The following MSH3 variants were observed in gnomAD, a reference collection of about 807,000 sequenced individuals.
MSH3 encodes DNA mismatch repair protein Msh3.
Under a neutral mutation model 123.3 loss-of-function variants are expected in MSH3, and 106 were observed. The ratio of observed to expected loss-of-function variants is 0.86; its 90% CI spans 0.73 to 1.01. The LOEUF is 1.01. MSH3 is among the 50% of genes least tolerant of loss of function. MSH3 has a pLI of 0.00. For synonymous variants in MSH3, 515 were observed against 481.4 expected (o/e 1.07, Z -0.91); for missense variants, 1,459 against 1,347.6 (o/e 1.08, Z -1.29).
intron 10 of MSH3, among the ~76,000 whole-genome samples, chr5:80,732,456 A>G (rs547538399): frequency 1.3e-5 from 2 of 152,304 alleles, no homozygotes; most frequent in Non-Finnish European, 2.9e-5. Context: ...AGCTTAATAT[A>G]TAAGCTACTC....
Position 80,854,025 on chromosome 5 carries a change from T to A in MSH3, c.2814-105T>A. ...TTTGAGCTATTATTGGCTCAAAATA[T>A]ATAGATTCTTAGTGATCTTTTATAT... On this transcript the variant is annotated intron_variant, in intron 20 of 23. Coordinates refer to ENST00000265081, the MANE Select transcript of MSH3 (RefSeq NM_002439.5). 8 of 953,710 alleles carry A rather than the reference T, an allele frequency of 8.4e-6. No individual in the cohort carries two copies. In the South Asian group the frequency reaches 1.2e-4, roughly 14 times the overall value. 59.1% of individuals were successfully genotyped at this position (953,710 alleles called of 1,614,324 possible).
At position 80,791,405 on chromosome 5, in the gene MSH3, T is replaced by G. The variant is rs371638837; in HGVS notation, c.2544-1328T>G. On this transcript the variant is annotated intron_variant, in intron 18 of 23. Coordinates refer to ENST00000265081, the MANE Select transcript of MSH3 (RefSeq NM_002439.5). ...ATCAGAAATAATCAGCTCTAGAACC[T>G]ATTAGAAATGTATTGAAATTTGGAA... is the stretch of plus-strand genomic sequence containing the variant. 8.5e-5 allele frequency among the ~76,000 whole-genome samples: 13 copies of G among 152,350 alleles called. No individual in the cohort carries two copies. The East Asian group carries it at 2.5e-3, about 29-fold the overall frequency.
intron 22 of MSH3, among the ~76,000 whole-genome samples, chr5:80,872,589 T>G (rs911876360): frequency 6.6e-6 from 1 of 152,206 alleles, no homozygotes; most frequent in Non-Finnish European, 1.5e-5. Flanking sequence ...GAGGATTGTT[T>G]AAAGCCAGGA....
intron 13 of MSH3, among the ~76,000 whole-genome samples, chr5:80,765,472 T>G (rs1744106740): frequency 6.6e-6 from 1 of 152,204 alleles, no homozygotes; most frequent in African/African-American, 2.4e-5. Context: ...ACCTAACTTC[T>G]TATTTTTTTT....
In MSH3 at chr5:80,672,851, T is replaced by C. The variant is rs1293951783; in HGVS notation, c.1020T>C (p.Ile340=). The change falls in exon 6 of 24, where the codon ATT becomes ATC. Residue 340 remains isoleucine, a synonymous_variant. Transcript: ENST00000265081. The part of the protein sequence containing the change: ...LTALYTKSTL[I]GEDVNPLIKL... Reference sequence around the variant, plus strand: ...CCCTTTATACAAAATCTACACTTATTGGAGAAGATATCCTTTTTGGACGGG... The same window carrying C: ...CCCTTTATACAAAATCTACACTTATCGGAGAAGATATCCTTTTTGGACGGG... The C allele has an allele frequency of 1.2e-6, 2 of 1,605,664 alleles. No individual in the cohort carries two copies. Among genetic ancestry groups the C allele is most frequent in the Non-Finnish European group, 1.7e-6 (2 of 1,172,310 alleles).
chr5:80,712,433 A>G (rs1750879331), intron 8 of MSH3, among the ~76,000 whole-genome samples: 1 of 151,772 alleles, frequency 6.6e-6, no homozygotes, highest in African/African-American at 2.4e-5. Flanking sequence ...TTCGAATTTT[A>G]TTTTTCCTGG....
intron 3 of MSH3, among the ~76,000 whole-genome samples, chr5:80,669,430 C>T (rs1419125548): frequency 6.6e-6 from 1 of 152,130 alleles, no homozygotes; most frequent in Non-Finnish European, 1.5e-5. Context: ...TAAATTAAGT[C>T]TAATAAGCGA....
At chr5:80,858,500 A>G (rs180819316) in intron 21 of MSH3, among the ~76,000 whole-genome samples, 3 of 152,132 alleles carry the variant, frequency 2.0e-5, no homozygotes, top group African/African-American at 7.2e-5. Context: ...TTTAGTCTCC[A>G]TGTATTTGGG....
chr5:80,793,790 A>G (rs1487787892), intron 19 of MSH3, among the ~76,000 whole-genome samples: 1 of 152,342 alleles, frequency 6.6e-6, no homozygotes, highest in East Asian at 1.9e-4. Context: ...GATTAAGAAT[A>G]CTAGCAAGAG....
intron 12 of MSH3, among the ~76,000 whole-genome samples, chr5:80,747,564 A>T (rs1401525634): frequency 6.6e-6 from 1 of 152,234 alleles, no homozygotes; most frequent in Non-Finnish European, 1.5e-5. Context: ...TTTCAAAAGA[A>T]TTCCAGTTTA....
At position 80,771,972 on chromosome 5, in the gene MSH3, A is replaced by T. The variant is rs1580038400; in HGVS notation, c.2253+2969A>T. Among the ~76,000 whole-genome samples, 5 of 152,178 alleles carry T rather than the reference A, an allele frequency of 3.3e-5. No homozygotes were observed. The East Asian group carries it at 9.6e-4, about 29-fold the overall frequency. On this transcript the variant is annotated intron_variant, in intron 15 of 23. Transcript: ENST00000265081. ...TTATTATGTATTATGTAATGAACGT[A>T]TGTATGAATGTTTGTGTGTATGTAT...
At chr5:80,697,895 T>C (rs1750520303) in intron 8 of MSH3, among the ~76,000 whole-genome samples, 1 of 152,198 alleles carries the variant, frequency 6.6e-6, no homozygotes, top group African/African-American at 2.4e-5. Context: ...GATTTTTTTA[T>C]ATCAAACAAA....
chr5:80,667,175 A>C (rs73765855), intron 3 of MSH3, among the ~76,000 whole-genome samples: 1 of 152,174 alleles, frequency 6.6e-6, no homozygotes, highest in Non-Finnish European at 1.5e-5. Context: ...TTTTTCCTGG[A>C]AGCTTATCTC....
At chr5:80,796,542 T>G (rs2112031280) in intron 19 of MSH3, among the ~76,000 whole-genome samples, 1 of 152,308 alleles carries the variant, frequency 6.6e-6, no homozygotes, top group East Asian at 1.9e-4. Context: ...AAATTCAATT[T>G]AAAATATTTT....
chr5:80,728,732 G>T, intron 9 of MSH3, 119 bp from the exon 10 acceptor site: 1 of 625,564 alleles, frequency 1.6e-6, no homozygotes, highest in East Asian at 2.8e-5. Context: ...TAACCATTAA[G>T]TTTTACTTAA....
intron 2 of MSH3, among the ~76,000 whole-genome samples, chr5:80,664,880 C>CA (rs550778524): frequency 1.8e-3 from 264 of 145,664 alleles, no homozygotes; most frequent in Middle Eastern, 3.5e-3. Context: ...CTTATGTCTT[C>CA]AAAAAAAAAC....
chr5:80,786,624 A>G (rs549330258), intron 17 of MSH3, among the ~76,000 whole-genome samples: 1 of 152,310 alleles, frequency 6.6e-6, no homozygotes, highest in Admixed American at 6.5e-5. Flanking sequence ...CTGTTACTTA[A>G]AAAGATACTT....
chr5:80,664,996 CT>C, intron 2 of MSH3, 146 bp from the exon 3 acceptor site: 1 of 648,262 alleles, frequency 1.5e-6, no homozygotes, highest in South Asian at 2.0e-5. Context: ...CCCAGTGTTT[CT>C]TTCTTTTTTT....
intron 10 of MSH3, among the ~76,000 whole-genome samples, chr5:80,738,605 C>T (rs1226038945): frequency 2.0e-5 from 3 of 152,058 alleles, no homozygotes; most frequent in African/African-American, 2.4e-5. Flanking sequence ...TATTTCTGGA[C>T]AGCCCACAAA....
Sources: allele counts gnomAD v4.1 joint callset (sites outside exome capture counted in the v4.1 genomes callset), GRCh38; gene constraint gnomAD v4.1.1; transcripts MANE v1.5; gene names NCBI Gene and HGNC (gene_info 2026-07-23, HGNC 2026-07-21).